Variants in TAFA1 observed in about 807,000 individuals in gnomAD.
The protein encoded by TAFA1 is chemokine-like protein TAFA-1.
In TAFA1, 4 loss-of-function variants were observed where a neutral mutation model predicts 18.5. The observed-to-expected ratio is 0.22, with a 90% CI of 0.11 to 0.49. The LOEUF (loss-of-function observed/expected upper bound fraction) is 0.49, where lower values mean the gene tolerates loss of function less well. Ranked by LOEUF, TAFA1 falls within the 20% of genes least tolerant of loss-of-function variation. TAFA1 has a pLI of 0.98. For synonymous variants in TAFA1, 56 were observed against 55.2 expected (o/e 1.01, Z -0.06); for missense variants, 147 against 169.0 (o/e 0.87, Z 0.72).
intron 2 of TAFA1, among the ~76,000 whole-genome samples, chr3:68,094,351 T>C (rs984054007): frequency 2.0e-5 from 3 of 152,104 alleles, no homozygotes; most frequent in Non-Finnish European, 4.4e-5. Flanking sequence ...CTGTCTCACT[T>C]CCTCAATTAG....
chr3:68,232,946 T>C (rs527304071), intron 2 of TAFA1, among the ~76,000 whole-genome samples: 196 of 152,310 alleles, frequency 1.3e-3, no homozygotes, highest in Non-Finnish European at 2.3e-3. Context: ...CTTTCCATAA[T>C]GGCTCTACTA....
intron 2 of TAFA1, among the ~76,000 whole-genome samples, chr3:68,397,490 C>T (rs1310829670): frequency 2.6e-5 from 4 of 152,190 alleles, no homozygotes; most frequent in African/African-American, 9.7e-5. Flanking sequence ...AGGACATAAA[C>T]TCATTCTTTC....
chr3:68,154,776 C>T (rs1012805827), intron 2 of TAFA1, among the ~76,000 whole-genome samples: 3 of 152,124 alleles, frequency 2.0e-5, no homozygotes, highest in East Asian at 1.9e-4. Flanking sequence ...TAAGTACACA[C>T]GCACCCCACA....
chr3:68,138,401 A>G (rs367793345), intron 2 of TAFA1, among the ~76,000 whole-genome samples: 26 of 152,328 alleles, frequency 1.7e-4, no homozygotes, highest in African/African-American at 6.0e-4. Flanking sequence ...GGAAAGTAAC[A>G]TATTGTACAT....
chr3:68,161,090 T>C (rs1182757843), intron 2 of TAFA1, among the ~76,000 whole-genome samples: 1 of 152,222 alleles, frequency 6.6e-6, no homozygotes, highest in Non-Finnish European at 1.5e-5. Context: ...TACATATATG[T>C]AATGTTATGA....
At chr3:67,998,679 T>C in the TAFA1 span, among the ~76,000 whole-genome samples, 2 of 152,196 alleles carry the variant, frequency 1.3e-5, no homozygotes, top group Non-Finnish European at 2.9e-5. Flanking sequence ...CAGGCAGCCA[T>C]TGGCAGCCAT....
chr3:68,459,154 G>T (rs1352432656), intron 3 of TAFA1, among the ~76,000 whole-genome samples: 2 of 152,146 alleles, frequency 1.3e-5, no homozygotes, highest in Non-Finnish European at 2.9e-5. Context: ...GTACCATTTT[G>T]GGCAAGGAAG....
intron 3 of TAFA1, among the ~76,000 whole-genome samples, chr3:68,477,376 A>G (rs1263101552): frequency 6.6e-6 from 1 of 152,114 alleles, no homozygotes; most frequent in Admixed American, 6.6e-5. Context: ...GTGCTTTTAA[A>G]AAAAAATTCT....
intron 2 of TAFA1, among the ~76,000 whole-genome samples, chr3:68,416,221 C>G (rs1252464854): frequency 6.6e-6 from 1 of 152,178 alleles, no homozygotes; most frequent in African/African-American, 2.4e-5. Flanking sequence ...GAAGCTGTGT[C>G]TTAAGTCTTC....
chr3:68,170,107 T>G (rs1163615832), intron 2 of TAFA1, among the ~76,000 whole-genome samples: 1 of 152,150 alleles, frequency 6.6e-6, no homozygotes, highest in Non-Finnish European at 1.5e-5. Flanking sequence ...TAAGTATCAG[T>G]AAGAAGATCA....
At chr3:68,020,359 T>G (rs1704661072) in intron 2 of TAFA1, among the ~76,000 whole-genome samples, 1 of 151,768 alleles carries the variant, frequency 6.6e-6, no homozygotes, top group Non-Finnish European at 1.5e-5. Flanking sequence ...TTATTACACT[T>G]ATTTGCTCCA....
intron 2 of TAFA1, among the ~76,000 whole-genome samples, chr3:68,147,133 G>C (rs566721210): frequency 1.3e-5 from 2 of 151,796 alleles, no homozygotes; most frequent in African/African-American, 4.8e-5. Context: ...GCCTGTCCTA[G>C]AGCTAATTGG....
intron 2 of TAFA1, among the ~76,000 whole-genome samples, chr3:68,225,600 C>T (rs538986562): frequency 6.6e-6 from 1 of 152,170 alleles, no homozygotes; most frequent in Non-Finnish European, 1.5e-5. Context: ...TTACTATGTG[C>T]CAGGCCCTGA....
At chr3:68,342,796 G>C (rs957983246) in intron 2 of TAFA1, among the ~76,000 whole-genome samples, 52 of 152,180 alleles carry the variant, frequency 3.4e-4, no homozygotes, top group Non-Finnish European at 8.8e-5. Flanking sequence ...TGCTTAGCGA[G>C]TTAGGCGTCA....
intron 3 of TAFA1, among the ~76,000 whole-genome samples, chr3:68,533,626 CAT>C (rs2073225884): frequency 6.6e-6 from 1 of 152,166 alleles, no homozygotes; most frequent in Non-Finnish European, 1.5e-5. Flanking sequence ...ATAAAGTAAA[CAT>C]AGAGCAGAGG....
At chr3:68,475,801 C>T in intron 3 of TAFA1, among the ~76,000 whole-genome samples, 1 of 152,000 alleles carries the variant, frequency 6.6e-6, no homozygotes, top group Non-Finnish European at 1.5e-5. Flanking sequence ...TCCTATTTCT[C>T]CACATCCTCT....
chr3:68,049,075 G>C (rs2064433114), intron 2 of TAFA1, among the ~76,000 whole-genome samples: 1 of 152,094 alleles, frequency 6.6e-6, no homozygotes, highest in African/African-American at 2.4e-5. Context: ...TTACATTATA[G>C]CTGGGCACAT....
intron 3 of TAFA1, among the ~76,000 whole-genome samples, chr3:68,441,369 T>C (rs1238957948): frequency 6.6e-6 from 1 of 152,034 alleles, no homozygotes; most frequent in African/African-American, 2.4e-5. Context: ...CCCCCATAGG[T>C]GAATCACAAC....
intron 2 of TAFA1, among the ~76,000 whole-genome samples, chr3:68,377,083 GA>G (rs1324540223): frequency 2.0e-5 from 3 of 152,134 alleles, no homozygotes; most frequent in African/African-American, 7.2e-5. Flanking sequence ...TTTTCTTGCT[GA>G]ATTACCCAGT....
Sources: gnomAD v4.1 joint callset for allele counts (sites outside exome capture counted in the v4.1 genomes callset) on GRCh38, gnomAD v4.1.1 for gene constraint, MANE v1.5 for transcripts, NCBI Gene and HGNC (gene_info 2026-07-23, HGNC 2026-07-21) for gene names.